The following IL1RAPL1 variants were observed in gnomAD, a reference collection of about 807,000 sequenced individuals.
IL1RAPL1 encodes interleukin 1 receptor accessory protein like 1.
IL1RAPL1 carries 3 observed loss-of-function variants against 48.4 expected under a neutral mutation model. The observed-to-expected ratio is 0.06, with a 90% CI of 0.03 to 0.16. The LOEUF is 0.16. IL1RAPL1 is among the 10% of genes least tolerant of loss of function. The pLI, the probability that IL1RAPL1 is intolerant of heterozygous loss-of-function variation, is 1.00. For missense variants in IL1RAPL1, 349 were observed against 530.6 expected (o/e 0.66, Z 3.36); for synonymous variants, 185 against 187.7 (o/e 0.99, Z 0.12).
At chrX:28,693,135 C>G (rs1935197285) in intron 1 of IL1RAPL1, among the ~76,000 whole-genome samples, 1 of 112,068 alleles carries the variant, frequency 8.9e-6, no homozygotes, top group Non-Finnish European at 1.9e-5. Context: ...ACCTTGATCT[C>G]TTACTTCATA....
chrX:29,036,340 G>A (rs1025930702), intron 2 of IL1RAPL1, among the ~76,000 whole-genome samples: 4 of 111,966 alleles, frequency 3.6e-5, no homozygotes, highest in African/African-American at 9.7e-5. Flanking sequence ...GCAAAAACGC[G>A]GATTTTCTGA....
At chrX:29,040,664 A>G (rs1397797226) in intron 2 of IL1RAPL1, among the ~76,000 whole-genome samples, 2 of 112,579 alleles carry the variant, frequency 1.8e-5, no homozygotes, top group Non-Finnish European at 3.7e-5. Context: ...AAATAAAAAG[A>G]AACCCTTTTC....
At chrX:29,591,882 G>A (rs1040295968) in intron 5 of IL1RAPL1, among the ~76,000 whole-genome samples, 2 of 112,218 alleles carry the variant, frequency 1.8e-5, no homozygotes, top group African/African-American at 6.5e-5. Context: ...AGGATCACAT[G>A]GCCAGAAAGT....
chrX:29,522,024 A>G (rs185666367), intron 5 of IL1RAPL1, among the ~76,000 whole-genome samples: 69 of 111,896 alleles, frequency 6.2e-4, no homozygotes, highest in African/African-American at 2.1e-3. Context: ...TGCTAATATT[A>G]CCATTGTCTA....
intron 6 of IL1RAPL1, among the ~76,000 whole-genome samples, chrX:29,810,651 T>A (rs181778397): frequency 9.0e-6 from 1 of 111,688 alleles, no homozygotes; most frequent in East Asian, 2.8e-4. Flanking sequence ...AAATAAGATA[T>A]ATTTTCTTAT....
chrX:29,912,409 G>T (rs977511891), intron 6 of IL1RAPL1, among the ~76,000 whole-genome samples: 1 of 111,925 alleles, frequency 8.9e-6, no homozygotes, highest in Non-Finnish European at 1.9e-5. Flanking sequence ...ATGCTGTAAT[G>T]GGTCCTGGTA....
intron 5 of IL1RAPL1, among the ~76,000 whole-genome samples, chrX:29,418,089 TAATATATATATA>T (rs1400839503): frequency 7.6e-5 from 4 of 52,346 alleles, no homozygotes; most frequent in Non-Finnish European, 1.4e-4. Context: ...TTTAAAAAAG[TAATATATATATA>T]TATATATATA....
intron 5 of IL1RAPL1, among the ~76,000 whole-genome samples, chrX:29,584,482 A>G (rs557288535): frequency 9.0e-6 from 1 of 111,284 alleles, no homozygotes; most frequent in Non-Finnish European, 1.9e-5. Context: ...ATCTACCCCA[A>G]TCAGGCCTTC....
intron 5 of IL1RAPL1, among the ~76,000 whole-genome samples, chrX:29,618,391 G>A (rs1445087022): frequency 2.7e-5 from 3 of 111,663 alleles, no homozygotes; most frequent in Non-Finnish European, 5.6e-5. Context: ...TTTAAAAATT[G>A]CCACAAACTT....
At chrX:29,260,973 G>C (rs1260430009) in intron 2 of IL1RAPL1, among the ~76,000 whole-genome samples, 1 of 106,280 alleles carries the variant, frequency 9.4e-6, no homozygotes, top group Admixed American at 1.0e-4. Context: ...AAAATGTATA[G>C]ACAGTAAAAA....
chrX:29,191,925 C>T (rs1239847991), intron 2 of IL1RAPL1, among the ~76,000 whole-genome samples: 3 of 111,690 alleles, frequency 2.7e-5, no homozygotes, highest in Admixed American at 9.6e-5. Flanking sequence ...AGCTCCTTGT[C>T]GCACGTGGCC....
At chrX:29,624,664 GT>G (rs1406429200) in intron 5 of IL1RAPL1, among the ~76,000 whole-genome samples, 3 of 103,399 alleles carry the variant, frequency 2.9e-5, no homozygotes, top group Non-Finnish European at 4.0e-5. Flanking sequence ...GGGAAACCCT[GT>G]TTTTTACAAA....
intron 6 of IL1RAPL1, among the ~76,000 whole-genome samples, chrX:29,905,165 GTCT>G (rs1932582207): frequency 9.0e-6 from 1 of 111,648 alleles, no homozygotes; most frequent in Non-Finnish European, 1.9e-5. Flanking sequence ...CTGCATAAAT[GTCT>G]TCTTTTGAGA....
At chrX:28,623,341 A>T (rs866369355) in intron 1 of IL1RAPL1, among the ~76,000 whole-genome samples, 1 of 111,692 alleles carries the variant, frequency 9.0e-6, no homozygotes, top group Non-Finnish European at 1.9e-5. Context: ...TTATGTATGT[A>T]TAAAGTTATG....
rs372915313 is a variant in IL1RAPL1, at chrX:29,287,735, T to C, written c.362+4518T>C. On this transcript the variant is annotated intron_variant, in intron 3 of 10. Transcript: ENST00000378993. Reference sequence around the variant, plus strand: ...AGTAAAATGTCCATATTTTTGTACATTTTATAATTGAATTATTTATGTCCT... The same window carrying C: ...AGTAAAATGTCCATATTTTTGTACACTTTATAATTGAATTATTTATGTCCT... 2.7e-5 allele frequency among the ~76,000 whole-genome samples: 3 copies of C among 112,562 alleles called. No individual in the cohort carries two copies. The East Asian group carries it at 8.3e-4, about 31-fold the overall frequency.
At chrX:29,408,097 C>T (rs747935903) in intron 5 of IL1RAPL1, among the ~76,000 whole-genome samples, 10 of 111,412 alleles carry the variant, frequency 9.0e-5, no homozygotes, top group African/African-American at 2.9e-4. Flanking sequence ...ATGGGGAAAA[C>T]GTCATATCCA....
At chrX:29,931,167 G>A (rs758952188) in intron 8 of IL1RAPL1, among the ~76,000 whole-genome samples, 4 of 110,477 alleles carry the variant, frequency 3.6e-5, no homozygotes, top group South Asian at 3.9e-4. Context: ...TAATGGGGAG[G>A]GGGGATTTTT....
At chrX:29,381,826 AAAAAAAAATATATATATAT>A (rs745520759) in intron 3 of IL1RAPL1, among the ~76,000 whole-genome samples, 32,951 of 84,404 alleles carry the variant, frequency 0.39, 5,427 homozygotes, top group Middle Eastern at 0.54. Context: ...AAAAAAAAAA[AAAAAAAAATATATATATAT>A]ATATATATAT....
intron 2 of IL1RAPL1, among the ~76,000 whole-genome samples, chrX:29,089,250 T>C (rs182894032): frequency 9.0e-6 from 1 of 111,303 alleles, no homozygotes. Flanking sequence ...TATTGAGATA[T>C]GATTGATGAA....
Sources: gnomAD v4.1 joint callset for allele counts (sites outside exome capture counted in the v4.1 genomes callset) on GRCh38, gnomAD v4.1.1 for gene constraint, MANE v1.5 for transcripts, NCBI Gene and HGNC (gene_info 2026-07-23, HGNC 2026-07-21) for gene names.